DDX59: variants seen among roughly 807,000 people sequenced by gnomAD.
DDX59 encodes the protein DEAD-box helicase 59, also known as probable ATP-dependent RNA helicase DDX59.
A neutral mutation model predicts 51.9 loss-of-function variants in DDX59; 30 were observed. The ratio of observed to expected loss-of-function variants is 0.58; its 90% CI spans 0.43 to 0.78. The LOEUF is 0.78. Among genes scored for constraint, DDX59 ranks in the 30% least tolerant of loss-of-function variants. DDX59 has a pLI of 0.00. For synonymous variants in DDX59, 255 were observed against 253.3 expected (o/e 1.01, Z -0.06); for missense variants, 672 against 730.8 (o/e 0.92, Z 0.93).
downstream of DDX59, chr1:200,641,269 A>AAC (rs1299155543): frequency 7.8e-7 from 1 of 1,287,514 alleles, no homozygotes; most frequent in Non-Finnish European, 1.0e-6. Context: ...GCCAGAAGAA[A>AAC]ATAGTGTAGT....
At chr1:200,655,484 T>G (rs1195389524) in intron 4 of DDX59, among the ~76,000 whole-genome samples, 1 of 152,192 alleles carries the variant, frequency 6.6e-6, no homozygotes, top group Non-Finnish European at 1.5e-5. Context: ...GACTCCCACA[T>G]CAAATCCAAA....
chr1:200,642,683 G>C (rs888529100), downstream of DDX59, among the ~76,000 whole-genome samples: 1 of 152,192 alleles, frequency 6.6e-6, no homozygotes, highest in Non-Finnish European at 1.5e-5. Flanking sequence ...ATTGTGTGGC[G>C]AGAGGGAAGT....
rs751388143 is a variant in DDX59, at chr1:200,659,059, G to A, written c.1030C>T (p.Leu344Phe). 1 of 1,613,526 alleles carries A rather than the reference G, an allele frequency of 6.2e-7. No individual in the cohort carries two copies. The highest frequency in any genetic ancestry group is 1.1e-5 in the South Asian group (1 of 90,984). ...ACTACCACAATCTTTACACCACAGAGTTCTACAGAGCTCTGCTTTATTATA... is the reference window on the plus strand; with the variant it reads ...ACTACCACAATCTTTACACCACAGAATTCTACAGAGCTCTGCTTTATTATA... Reference protein sequence around the residue: ...LDIIKQSSVELCGVKIVVVDE... With the variant: ...LDIIKQSSVEFCGVKIVVVDE... The change falls in exon 4 of 8, where the codon CTC (leucine) becomes TTC (phenylalanine). Residue 344 changes from leucine to phenylalanine, a missense_variant. Transcript: ENST00000331314.
chr1:200,644,196 A>G lies in DDX59; in HGVS notation c.*58T>C, dbSNP rs1661145235. The G allele has an allele frequency of 1.6e-6, 2 of 1,277,940 alleles. No homozygotes were observed. Among genetic ancestry groups the G allele is most frequent in the Non-Finnish European group, 2.0e-6 (2 of 992,028 alleles). 79.2% of individuals were successfully genotyped at this position (1,277,940 alleles called of 1,614,324 possible). A position where few individuals can be genotyped will look rare whatever the true frequency, so the allele number is the denominator to read the frequency against. Reference sequence around the variant, plus strand: ...TTCATGTACATTTCCATTTATGCAAACCATAATTTTTTGCTGACTATATAC... The same window carrying G: ...TTCATGTACATTTCCATTTATGCAAGCCATAATTTTTTGCTGACTATATAC... On this transcript the variant is annotated 3_prime_UTR_variant, in exon 8 of 8. Coordinates refer to ENST00000331314, the MANE Select transcript of DDX59 (RefSeq NM_001031725.6).
In DDX59 at chr1:200,659,143, A is replaced by C. The variant is rs779078548; in HGVS notation, c.973-27T>G. The C allele has an allele frequency of 1.9e-6, 3 of 1,543,336 alleles. No homozygotes were observed. The South Asian group carries it at 3.4e-5, about 17-fold the overall frequency. ...TAAATAAAAGAGAAAAAGCAAATTA[A>C]AAAAATCAGTAATAGCTATTTTCAT... On this transcript the variant is annotated intron_variant, in intron 3 of 7. Coordinates refer to ENST00000331314, the MANE Select transcript of DDX59 (RefSeq NM_001031725.6).
chr1:200,663,876 C>T, intron 3 of DDX59, 43 bp downstream of exon 3: 3 of 1,474,638 alleles, frequency 2.0e-6, no homozygotes, highest in Non-Finnish European at 2.7e-6. Flanking sequence ...TCCTGTATTG[C>T]TTACAAAACT....
chr1:200,644,796 T>A (rs1170488045), intron 7 of DDX59, among the ~76,000 whole-genome samples: 2 of 147,462 alleles, frequency 1.4e-5, no homozygotes. Flanking sequence ...CTTGGGAGGC[T>A]GAGGCAAAAG....
intron 1 of DDX59, chr1:200,669,534 G>A (rs11588318): frequency 0.44 from 66,357 of 152,112 alleles, 15,122 homozygotes; most frequent in East Asian, 0.71. Flanking sequence ...CCCCTCGGGC[G>A]TTGCCTCCCA....
Position 200,666,623 on chromosome 1 carries a change from C to G in DDX59, c.118G>C (p.Val40Leu). The change falls in exon 2 of 8, where the codon GTT becomes CTT. Residue 40 changes from valine to leucine, a missense_variant. Physicochemically the swap from Val to Leu is conservative, Grantham distance 32 (BLOSUM62 1). Transcript: ENST00000331314. ...TCTGTAGCTACAGCATCAACGGGAA[C>G]ATCTCTGCTTTTGTCCAACTGAAGG... ...EDLQLDKSRD[V>L]PVDAVATEAA... 6.2e-7 allele frequency: 1 copy of G among 1,614,214 alleles called. No individual in the cohort carries two copies. The highest frequency in any genetic ancestry group is 8.5e-7 in the Non-Finnish European group (1 of 1,180,040).
intron 7 of DDX59, 99 bp from the exon 8 acceptor site, chr1:200,644,616 C>T (rs1442628440): frequency 7.1e-7 from 1 of 1,417,376 alleles, no homozygotes; most frequent in African/African-American, 1.5e-5. Flanking sequence ...GCATTACTGG[C>T]TGGGTGCAGT....
chr1:200,659,297 G>C, intron 3 of DDX59, among the ~76,000 whole-genome samples, 181 bp from the exon 4 acceptor site: 1 of 152,160 alleles, frequency 6.6e-6, no homozygotes, highest in Non-Finnish European at 1.5e-5. Flanking sequence ...GGAAGAAACA[G>C]ATAAAACCAG....
intron 6 of DDX59, among the ~76,000 whole-genome samples, chr1:200,648,834 G>A (rs527934851): frequency 2.0e-4 from 31 of 152,278 alleles, no homozygotes; most frequent in Non-Finnish European, 4.4e-5. Flanking sequence ...CCTGATTTCA[G>A]AAATGGTAAG....
At chr1:200,664,143 GA>G (rs1176588795) in intron 2 of DDX59, 57 bp from the exon 3 acceptor site, 1 of 1,548,318 alleles carries the variant, frequency 6.5e-7, no homozygotes, top group Non-Finnish European at 8.7e-7. Context: ...CTGCTGATAT[GA>G]ACTAAATCTT....
At chr1:200,664,836 C>T (rs557528373) in intron 2 of DDX59, among the ~76,000 whole-genome samples, 31 of 152,188 alleles carry the variant, frequency 2.0e-4, no homozygotes, top group Admixed American at 3.3e-4. Flanking sequence ...CCATCATGCC[C>T]GGCTAATTTT....
intron 7 of DDX59, among the ~76,000 whole-genome samples, chr1:200,645,444 A>G (rs1012584321): frequency 3.9e-5 from 6 of 151,986 alleles, no homozygotes; most frequent in African/African-American, 1.5e-4. Context: ...TATCTGGATA[A>G]TTTTTTGTAT....
chr1:200,668,343 G>C (rs560117507), intron 1 of DDX59, among the ~76,000 whole-genome samples: 116 of 151,622 alleles, frequency 7.7e-4, no homozygotes, highest in African/African-American at 2.7e-3. Context: ...TAAGTGGTTT[G>C]TCCAAGCTCA....
chr1:200,648,046 G>A (rs1661403067), intron 7 of DDX59, among the ~76,000 whole-genome samples: 1 of 127,962 alleles, frequency 7.8e-6, no homozygotes. Flanking sequence ...GGGGGAGGGG[G>A]GAATGAAGTC....
chr1:200,644,569 G>A, intron 7 of DDX59, 52 bp from the exon 8 acceptor site: 1 of 1,520,266 alleles, frequency 6.6e-7, no homozygotes, highest in Non-Finnish European at 8.8e-7. Context: ...AAATCTTAGT[G>A]TCTTTTGAAA....
intron 4 of DDX59, 78 bp downstream of exon 4, chr1:200,658,949 A>G: frequency 8.0e-7 from 1 of 1,251,994 alleles, no homozygotes; most frequent in Non-Finnish European, 1.1e-6. Flanking sequence ...GGTACTGAAC[A>G]TACAATGAAA....
Sources: gnomAD v4.1 joint callset for allele counts (sites outside exome capture counted in the v4.1 genomes callset) on GRCh38, gnomAD v4.1.1 for gene constraint, MANE v1.5 for transcripts, NCBI Gene and HGNC (gene_info 2026-07-23, HGNC 2026-07-21) for gene names.